CLPTM1: variants seen among roughly 807,000 people sequenced by gnomAD.
The protein encoded by CLPTM1 is putative lipid scramblase CLPTM1.
Under a neutral mutation model 77.3 loss-of-function variants are expected in CLPTM1, and 21 were observed. The observed-to-expected ratio is 0.27, with a 90% CI of 0.19 to 0.39. The LOEUF (loss-of-function observed/expected upper bound fraction) is 0.39. Among genes scored for constraint, CLPTM1 ranks in the 10% least tolerant of loss-of-function variants. The pLI, the probability that CLPTM1 is intolerant of heterozygous loss-of-function variation, is 1.00. For missense variants in CLPTM1, 642 were observed against 921.2 expected (o/e 0.70, Z 3.92); for synonymous variants, 373 against 381.0 (o/e 0.98, Z 0.24).
chr19:44,977,129 C>T (rs1431655389), intron 4 of CLPTM1, among the ~76,000 whole-genome samples: 1 of 152,138 alleles, frequency 6.6e-6, no homozygotes, highest in Non-Finnish European at 1.5e-5. Flanking sequence ...AAGCTGAGCT[C>T]ACACGGCCAT....
intron 1 of CLPTM1, among the ~76,000 whole-genome samples, chr19:44,957,606 G>A (rs564700874): frequency 2.6e-5 from 4 of 152,340 alleles, no homozygotes; most frequent in African/African-American, 9.6e-5. Flanking sequence ...GGACCCTTTA[G>A]CAGATGTTGC....
intron 9 of CLPTM1, among the ~76,000 whole-genome samples, chr19:44,989,435 C>T (rs1971033972): frequency 6.6e-6 from 1 of 152,144 alleles, no homozygotes; most frequent in Admixed American, 6.5e-5. Context: ...GAGGCTTGGG[C>T]CCAACTGCTC....
At chr19:44,956,542 T>C (rs1236539151) in intron 1 of CLPTM1, among the ~76,000 whole-genome samples, 1 of 152,212 alleles carries the variant, frequency 6.6e-6, no homozygotes, top group Non-Finnish European at 1.5e-5. Flanking sequence ...CCACTGTATC[T>C]GCTCTGAATC....
At chr19:44,981,842 T>C (rs979935615) in intron 5 of CLPTM1, among the ~76,000 whole-genome samples, 21 of 151,504 alleles carry the variant, frequency 1.4e-4, no homozygotes, top group African/African-American at 4.4e-4. Context: ...GCCCAGGAGG[T>C]TGAGGCTGCA....
At chr19:44,987,107 A>G in intron 7 of CLPTM1, 72 bp from the exon 8 acceptor site, 3 of 1,546,710 alleles carry the variant, frequency 1.9e-6, no homozygotes, top group Non-Finnish European at 2.6e-6. Context: ...GGGTCTCTCC[A>G]GACATCTGAG....
At chr19:44,954,740 G>A (rs942946134), upstream of CLPTM1, 2 of 1,309,376 alleles carry the variant, frequency 1.5e-6, no homozygotes, top group Admixed American at 3.4e-5. Context: ...GTGCTAGGCA[G>A]GGCAGTCCGA....
chr19:44,980,488 G>A (rs187826264), intron 5 of CLPTM1, among the ~76,000 whole-genome samples: 170 of 134,284 alleles, frequency 1.3e-3, no homozygotes, highest in African/African-American at 4.6e-3. Context: ...TAGCCTGGGC[G>A]ACAGAGCAAG....
At chr19:44,975,116 T>G (rs1970786059) in intron 4 of CLPTM1, among the ~76,000 whole-genome samples, 1 of 152,222 alleles carries the variant, frequency 6.6e-6, no homozygotes, top group Non-Finnish European at 1.5e-5. Context: ...AGACTCAGGC[T>G]CTACGGCTGT....
chr19:44,987,560 C>T (rs1266627044), intron 8 of CLPTM1, 137 bp downstream of exon 8: 10 of 1,216,336 alleles, frequency 8.2e-6, no homozygotes, highest in Non-Finnish European at 1.1e-5. Flanking sequence ...CTCCCAGGTC[C>T]CTTCTCCACA....
At position 44,992,737 on chromosome 19, in the gene CLPTM1, C is replaced by G; in HGVS notation, c.1850C>G (p.Ala617Gly). Residue 617 changes from alanine (A) to glycine (G), a missense_variant, in exon 14 of 14, where the codon GCA becomes GGA. Physicochemically the swap from Ala to Gly is moderately conservative, Grantham distance 60 (BLOSUM62 0). Transcript: ENST00000337392. This position sits in a 1 kb window ranked among gnomAD's most constrained non-coding sequence, Gnocchi z 7.7. ...GCCCCCGTGGCCGAGGTTCCCACAGCAGCAGGGGCCCTCACGCCCACACCT... is the reference window on the plus strand; with the variant it reads ...GCCCCCGTGGCCGAGGTTCCCACAGGAGCAGGGGCCCTCACGCCCACACCT... ...AAAPVAEVPT[A>G]AGALTPTPAP... is the part of the protein sequence containing the mutation. 6.2e-7 allele frequency: 1 copy of G among 1,613,176 alleles called. No individual in the cohort carries two copies. The highest frequency in any genetic ancestry group is 8.5e-7 in the Non-Finnish European group (1 of 1,179,884).
intron 5 of CLPTM1, 72 bp from the exon 6 acceptor site, chr19:44,985,145 AG>A: frequency 1.9e-6 from 2 of 1,039,788 alleles, no homozygotes; most frequent in Non-Finnish European, 3.0e-6. Context: ...GCTGGTGGGC[AG>A]GGGTCCGGGC....
intron 7 of CLPTM1, 84 bp downstream of exon 7, chr19:44,986,659 T>TC: frequency 6.5e-7 from 1 of 1,526,882 alleles, no homozygotes; most frequent in Non-Finnish European, 8.8e-7. Context: ...CCTGGCCCTG[T>TC]CCCCCTGAGA....
In CLPTM1 at chr19:44,961,024, G is replaced by A. The variant is rs143516243; in HGVS notation, c.73-939G>A. On this transcript the variant is annotated intron_variant, in intron 1 of 13. Transcript: ENST00000337392. ...TCTGATTGTGACCTTCTGTGTCTGA[G>A]TGAAGAGTCCTCCTCTGGGAAGCCG... 9.0e-3 allele frequency among the ~76,000 whole-genome samples: 1,369 copies of A among 152,270 alleles called. 21 individuals are homozygous for A. The highest frequency in any genetic ancestry group is 0.031 in the African/African-American group (1,282 of 41,548).
chr19:44,974,975 A>G (rs2122285728), intron 4 of CLPTM1, among the ~76,000 whole-genome samples: 1 of 152,308 alleles, frequency 6.6e-6, no homozygotes, highest in Non-Finnish European at 1.5e-5. Context: ...CAGGGTACTA[A>G]GCTAGGCTGA....
intron 2 of CLPTM1, among the ~76,000 whole-genome samples, chr19:44,968,276 C>T (rs1157200538): frequency 6.6e-6 from 1 of 152,080 alleles, no homozygotes; most frequent in Non-Finnish European, 1.5e-5. Context: ...CTCCTTGTAG[C>T]TTGAAGCTGA....
At chr19:44,962,567 C>T (rs1970561111) in intron 2 of CLPTM1, among the ~76,000 whole-genome samples, 2 of 152,100 alleles carry the variant, frequency 1.3e-5, no homozygotes, top group African/African-American at 4.8e-5. Flanking sequence ...CTAAGCTCCT[C>T]TTATGGGGAC....
At chr19:44,982,465 C>T (rs546888755) in intron 5 of CLPTM1, among the ~76,000 whole-genome samples, 1 of 152,318 alleles carries the variant, frequency 6.6e-6, no homozygotes, top group South Asian at 2.1e-4. Context: ...CTGGATGGTG[C>T]AGCTCTAGAA....
At position 44,993,119 on chromosome 19, in the gene CLPTM1, A is replaced by T; in HGVS notation, c.*222A>T. On this transcript the variant is annotated 3_prime_UTR_variant, in exon 14 of 14. Coordinates refer to ENST00000337392, the MANE Select transcript of CLPTM1 (RefSeq NM_001294.4). Reference sequence around the variant, plus strand: ...CCTCTGTCCCTCTGTGTTTCCAGCCATCTCGCCCTGCCAGCCCAGCACCAC... The same window carrying T: ...CCTCTGTCCCTCTGTGTTTCCAGCCTTCTCGCCCTGCCAGCCCAGCACCAC... 1 of 558,932 alleles carries T rather than the reference A, an allele frequency of 1.8e-6. No individual in the cohort carries two copies. Among genetic ancestry groups the T allele is most frequent in the South Asian group, 1.5e-5 (1 of 67,278 alleles). 34.6% of individuals were successfully genotyped at this position (558,932 alleles called of 1,614,324 possible).
upstream of CLPTM1, chr19:44,955,011 T>C: frequency 1.3e-6 from 2 of 1,535,390 alleles, no homozygotes; most frequent in Non-Finnish European, 1.7e-6. Flanking sequence ...TCAAGAAACA[T>C]GGAACGAAAA....
Sources: allele counts gnomAD v4.1 joint callset (sites outside exome capture counted in the v4.1 genomes callset), GRCh38; gene constraint gnomAD v4.1.1; non-coding constraint Gnocchi (gnomAD v3.1); transcripts MANE v1.5; gene names NCBI Gene and HGNC (gene_info 2026-07-23, HGNC 2026-07-21).